PSRC1: variants seen among roughly 807,000 people sequenced by gnomAD.
The protein encoded by PSRC1 is proline/serine-rich coiled-coil protein 1.
Under a neutral mutation model 31.9 loss-of-function variants are expected in PSRC1, and 30 were observed. The ratio of observed to expected loss-of-function variants is 0.94; its 90% CI spans 0.70 to 1.28. The LOEUF is 1.28. Among genes scored for constraint, PSRC1 ranks in the 50% most tolerant of loss-of-function variants. The pLI is 0.00. For missense variants in PSRC1, 481 were observed against 472.8 expected, an observed-to-expected ratio of 1.02 and a Z score of -0.16; for synonymous variants, 191 against 192.1, an observed-to-expected ratio of 0.99 and a Z score of 0.05.
At chr1:109,281,574 A>G (rs1263781647) in intron 4 of PSRC1, 45 bp downstream of exon 4, 2 of 1,504,558 alleles carry the variant, frequency 1.3e-6, no homozygotes, top group South Asian at 2.4e-5. Context: ...ATCATGGCAC[A>G]CACCATGTCT....
exon 3 of PSRC1, chr1:109,282,520 G>A (rs147001903): frequency 3.7e-6 from 6 of 1,613,390 alleles, no homozygotes. Context: ...GCTGGTACCT[G>A]TCAGATGGTG....
exon 4 of PSRC1, chr1:109,281,687 T>G: frequency 6.2e-7 from 1 of 1,614,010 alleles, no homozygotes; most frequent in South Asian, 1.1e-5. Flanking sequence ...TTCCTATCAT[T>G]ACTCCGGAGT....
chr1:109,282,021 C>T, exon 4 of PSRC1: 1 of 1,507,156 alleles, frequency 6.6e-7, no homozygotes, highest in South Asian at 1.4e-5. Context: ...GAAGTGGTTT[C>T]TCTGGAGTCA....
chr1:109,280,720 C>A, intron 5 of PSRC1, 57 bp downstream of exon 6: 4 of 1,414,838 alleles, frequency 2.8e-6, no homozygotes, highest in Non-Finnish European at 3.8e-6. Context: ...GTTGACAGCT[C>A]TGGGAGGGTG....
At chr1:109,279,885 C>T (rs1656757576) in exon 7 of PSRC1, 1 of 540,982 alleles carries the variant, frequency 1.8e-6, no homozygotes, top group East Asian at 2.9e-5. Context: ...CTGTACTTCT[C>T]ATCTTCTATT....
chr1:109,280,112 A>G (rs1165326691), exon 7 of PSRC1: 3 of 1,613,906 alleles, frequency 1.9e-6, no homozygotes, highest in Non-Finnish European at 2.5e-6. Context: ...TACTGACTGT[A>G]GTGGTTTGCT....
intron 3 of PSRC1, 97 bp downstream of exon 3, chr1:109,282,421 T>C: frequency 8.3e-7 from 1 of 1,210,864 alleles, no homozygotes; most frequent in East Asian, 2.4e-5. Flanking sequence ...CGCCAAACCT[T>C]GCTAAGTTAC....
In PSRC1 at chr1:109,282,511, C is replaced by T; in HGVS notation, c.77+7G>A. The T allele has an allele frequency of 6.2e-7, 1 of 1,612,868 alleles. No homozygotes were observed. The highest frequency in any genetic ancestry group is 8.5e-7 in the Non-Finnish European group (1 of 1,178,888). ...GAGGAAAATAAGTGGGATAAAGAGG[C>T]TGGTACCTGTCAGATGGTGACAGCC... On this transcript the variant is annotated splice_region_variant and intron_variant, in intron 3 of 6. Transcript: ENST00000409138.
At chr1:109,280,738 G>T in intron 5 of PSRC1, 39 bp downstream of exon 6, 1 of 1,494,082 alleles carries the variant, frequency 6.7e-7, no homozygotes, top group Non-Finnish European at 9.1e-7. Flanking sequence ...GTGAGGACAC[G>T]CTGGGCAAGG....
Position 109,282,065 on chromosome 1 carries a change from G to A in PSRC1, c.78-5C>T, listed in dbSNP as rs1333448470. 3 of 1,482,452 alleles carry A rather than the reference G, an allele frequency of 2.0e-6. No homozygotes were observed. Among genetic ancestry groups the A allele is most frequent in the Non-Finnish European group, 2.7e-6 (3 of 1,115,956 alleles). The allele number at this position is 1,482,452 out of a possible 1,614,324, so 91.8% of individuals were successfully genotyped here. The stretch of plus-strand genomic sequence containing the variant: ...GTTATGTCTTCCTCCTCACGGCTGA[G>A]ACAGGAAACAAACCAGGCATCATGC... On this transcript the variant is annotated splice_region_variant and splice_polypyrimidine_tract_variant and intron_variant, in intron 3 of 6. Transcript: ENST00000409138.
chr1:109,280,458 G>A, exon 6 of PSRC1: 1 of 1,613,644 alleles, frequency 6.2e-7, no homozygotes, highest in Non-Finnish European at 8.5e-7. Flanking sequence ...TGGCACCCAT[G>A]ACAGGAAGAT....
chr1:109,280,778 C>T lies in PSRC1; in HGVS notation c.993G>A (p.Lys331=), dbSNP rs761891333. The T allele has an allele frequency of 1.9e-6, 3 of 1,564,258 alleles. No individual in the cohort carries two copies. The highest frequency in any genetic ancestry group is 4.5e-5 in the East Asian group (2 of 44,214). Residue 331 remains lysine, a splice_region_variant and synonymous_variant, in exon 5 of 7, where the codon AAG becomes AAA. Transcript: ENST00000409138. Reference sequence around the variant, plus strand: ...GCATTCTTCCTCCTGACCTCTTACCCTTGTGTCCACTTTCCCGCACTCTGT... The same window carrying T: ...GCATTCTTCCTCCTGACCTCTTACCTTTGTGTCCACTTTCCCGCACTCTGT...
chr1:109,281,150 C>G, exon 5 of PSRC1: 1 of 1,613,534 alleles, frequency 6.2e-7, no homozygotes, highest in Non-Finnish European at 8.5e-7. Flanking sequence ...CTGCTGCTCT[C>G]CCACTGGGCC....
In PSRC1 at chr1:109,281,181, G is replaced by T. The variant is rs554828160; in HGVS notation, c.590C>A (p.Pro197His). The T allele has an allele frequency of 4.3e-6, 7 of 1,613,714 alleles. No individual in the cohort carries two copies. The African/African-American group carries it at 8.0e-5, about 18-fold the overall frequency. ...GGGCCCGGCTCTCCCCCGGACTGGG[G>T]GAGTCGATCGGGTAAGAGGAGAAGA... The change falls in exon 5 of 7, where the codon CCC becomes CAC. Residue 197 changes from proline to histidine, a missense_variant. Coordinates refer to ENST00000409138, the Ensembl canonical transcript of PSRC1.
intron 4 of PSRC1, 115 bp downstream of exon 4, chr1:109,281,504 C>T (rs1180094384): frequency 2.0e-6 from 2 of 1,005,344 alleles, no homozygotes; most frequent in Non-Finnish European, 3.0e-6. Flanking sequence ...CATTTAATTC[C>T]AACAATTCTA....
intron 5 of PSRC1, 66 bp from the exon 7 acceptor site, chr1:109,280,555 G>T: frequency 7.5e-7 from 1 of 1,335,080 alleles, no homozygotes; most frequent in Non-Finnish European, 1.1e-6. Context: ...AAGAAATACT[G>T]GATGAAGGGA....
intron 4 of PSRC1, 138 bp downstream of exon 4, chr1:109,281,481 T>C: frequency 1.1e-6 from 1 of 900,022 alleles, no homozygotes; most frequent in South Asian, 1.7e-5. Flanking sequence ...TGGTTCTCTT[T>C]TTTCATGGTT....
intron 5 of PSRC1, 87 bp from the exon 7 acceptor site, chr1:109,280,576 G>T (rs1570808795): frequency 1.7e-6 from 2 of 1,144,712 alleles, no homozygotes; most frequent in African/African-American, 1.5e-5. Context: ...GCGAGTGTGG[G>T]ATTAGTACTC....
In PSRC1 at chr1:109,281,524, A is replaced by G. The variant is rs115042915; in HGVS notation, c.519+95T>C. The G allele has an allele frequency of 2.1e-3, 2,301 of 1,104,818 alleles. 43 individuals carry two copies. In the African/African-American group the frequency reaches 0.032, roughly 16 times the overall value. The allele number at this position is 1,104,818 out of a possible 1,614,324, so 68.4% of individuals were successfully genotyped here. The stretch of plus-strand genomic sequence containing the variant: ...AATTCCAACAATTCTAGATGTAGAA[A>G]TGCTATCCCTGTTTTACCAATAAGG... On this transcript the variant is annotated intron_variant, in intron 4 of 6. Transcript: ENST00000409138.
Sources: gnomAD v4.1 joint callset for allele counts on GRCh38, gnomAD v4.1.1 for gene constraint, MANE v1.5 for transcripts, NCBI Gene and HGNC (gene_info 2026-07-23, HGNC 2026-07-21) for gene names.